TBC1D5: variants seen among roughly 807,000 people sequenced by gnomAD.
TBC1D5 encodes TBC1 domain family member 5.
TBC1D5 carries 75 observed loss-of-function variants against 100.3 expected under a neutral mutation model. The ratio of observed to expected loss-of-function variants is 0.75; its 90% confidence interval spans 0.62 to 0.91. TBC1D5 has a LOEUF of 0.91. TBC1D5 is among the 40% of genes least tolerant of loss of function. TBC1D5 has a pLI of 0.00. For synonymous variants in TBC1D5, 323 were observed against 325.6 expected, an observed-to-expected ratio of 0.99 and a Z score of 0.09; for missense variants, 910 against 942.4, an observed-to-expected ratio of 0.97 and a Z score of 0.45.
chr3:17,471,038 T>C (rs565010414), intron 3 of TBC1D5, among the ~76,000 whole-genome samples: 3 of 152,288 alleles, frequency 2.0e-5, no homozygotes, highest in South Asian at 2.1e-4. Flanking sequence ...ATAGATGTCA[T>C]TGCAAGGGGT....
At chr3:17,347,968 A>C (rs1238581258) in intron 13 of TBC1D5, among the ~76,000 whole-genome samples, 3 of 151,936 alleles carry the variant, frequency 2.0e-5, no homozygotes, top group Admixed American at 2.0e-4. Context: ...ACATCACTGC[A>C]CTCCAGCCTG....
At chr3:17,476,772 T>C (rs562198509) in intron 3 of TBC1D5, among the ~76,000 whole-genome samples, 1 of 151,944 alleles carries the variant, frequency 6.6e-6, no homozygotes, top group Non-Finnish European at 1.5e-5. Flanking sequence ...TTAAATGTCT[T>C]CCAATGAAGT....
At chr3:17,469,575 C>T (rs750992690) in intron 3 of TBC1D5, among the ~76,000 whole-genome samples, 1 of 151,330 alleles carries the variant, frequency 6.6e-6, no homozygotes, top group East Asian at 1.9e-4. Flanking sequence ...ACAAGTAAAA[C>T]GCATCTTTAC....
At chr3:17,625,502 A>C (rs1443681032) in intron 1 of TBC1D5, among the ~76,000 whole-genome samples, 4 of 152,072 alleles carry the variant, frequency 2.6e-5, no homozygotes, top group Non-Finnish European at 4.4e-5. Context: ...AAATAGGTTA[A>C]ACACCCATCT....
intron 2 of TBC1D5, among the ~76,000 whole-genome samples, chr3:17,612,417 C>A (rs996355511): frequency 6.6e-6 from 1 of 151,894 alleles, no homozygotes; most frequent in Admixed American, 6.6e-5. Flanking sequence ...CACCGGAGGT[C>A]AGGAGTTCGA....
At chr3:17,533,433 G>T (rs1041273115) in intron 2 of TBC1D5, among the ~76,000 whole-genome samples, 2 of 152,130 alleles carry the variant, frequency 1.3e-5, no homozygotes, top group African/African-American at 4.8e-5. Flanking sequence ...CTAATATGGG[G>T]GGATGGAAGG....
chr3:17,537,741 T>C (rs1438585604), intron 2 of TBC1D5, among the ~76,000 whole-genome samples: 3 of 152,246 alleles, frequency 2.0e-5, no homozygotes, highest in African/African-American at 7.2e-5. Context: ...TCTGGTTTCT[T>C]TCCTTTATAA....
intron 1 of TBC1D5, among the ~76,000 whole-genome samples, chr3:17,662,243 A>C (rs545840648): frequency 6.6e-6 from 1 of 152,194 alleles, no homozygotes; most frequent in Non-Finnish European, 1.5e-5. Context: ...ACCTGGAATT[A>C]TCTCTTTCAT....
At chr3:17,287,852 A>G (rs1056366691) in intron 15 of TBC1D5, among the ~76,000 whole-genome samples, 1 of 152,222 alleles carries the variant, frequency 6.6e-6, no homozygotes, top group Non-Finnish European at 1.5e-5. Context: ...AAGGTTTACA[A>G]TGAACCTACT....
chr3:17,639,633 T>TA (rs1187766297), intron 1 of TBC1D5, among the ~76,000 whole-genome samples: 3 of 152,036 alleles, frequency 2.0e-5, no homozygotes, highest in African/African-American at 4.8e-5. Context: ...GTTTCCACCA[T>TA]AAAAAAGGGG....
At chr3:17,180,471 G>A (rs1260450405) in intron 19 of TBC1D5, among the ~76,000 whole-genome samples, 1 of 152,162 alleles carries the variant, frequency 6.6e-6, no homozygotes, top group Admixed American at 6.5e-5. Flanking sequence ...TATTGCATGT[G>A]TGACAAAAAC....
At position 17,165,251 on chromosome 3, in the gene TBC1D5, A is replaced by T. The variant is rs578236975; in HGVS notation, c.2094+1516T>A. 9.2e-5 allele frequency among the ~76,000 whole-genome samples: 14 copies of T among 152,358 alleles called. No homozygotes were observed. In the South Asian group the frequency reaches 2.9e-3, roughly 32 times the overall value. Reference sequence around the variant, plus strand: ...AAACCAGGGATGACAACTGCAAAGTATAATCATTAAGTTCTAAATTTAACA... The same window carrying T: ...AAACCAGGGATGACAACTGCAAAGTTTAATCATTAAGTTCTAAATTTAACA... On this transcript the variant is annotated intron_variant, in intron 21 of 21. Transcript: ENST00000253692.
intron 4 of TBC1D5, 106 bp from the exon 5 acceptor site, chr3:17,406,632 T>TTTAA: frequency 1.1e-6 from 1 of 913,576 alleles, no homozygotes; most frequent in South Asian, 1.7e-5. Context: ...AAATGCAACT[T>TTTAA]TTAAAACATA....
intron 13 of TBC1D5, among the ~76,000 whole-genome samples, chr3:17,314,004 C>T (rs1269787488): frequency 6.6e-6 from 1 of 152,078 alleles, no homozygotes; most frequent in East Asian, 1.9e-4. Flanking sequence ...TTTCCTGTTC[C>T]AGAAAGTGCC....
At chr3:17,343,488 A>G (rs1383343371) in intron 13 of TBC1D5, among the ~76,000 whole-genome samples, 1 of 140,890 alleles carries the variant, frequency 7.1e-6, no homozygotes, top group Admixed American at 7.1e-5. Context: ...TCATAAAATA[A>G]GTTAGGGAGG....
intron 2 of TBC1D5, among the ~76,000 whole-genome samples, chr3:17,574,357 C>T (rs1304323303): frequency 6.6e-6 from 1 of 152,038 alleles, no homozygotes; most frequent in Non-Finnish European, 1.5e-5. Context: ...TAGGTCACTA[C>T]TGTCACCAAC....
intron 3 of TBC1D5, among the ~76,000 whole-genome samples, chr3:17,506,965 G>A (rs1311006546): frequency 4.6e-5 from 7 of 152,096 alleles, no homozygotes; most frequent in African/African-American, 9.7e-5. Flanking sequence ...GCAGTGAGCC[G>A]AGATTGCGCC....
At chr3:17,738,837 T>A (rs1003148936) in intron 1 of TBC1D5, among the ~76,000 whole-genome samples, 1 of 152,168 alleles carries the variant, frequency 6.6e-6, no homozygotes. Context: ...CTGAGCCTCT[T>A]TTTATCCCTC....
intron 8 of TBC1D5, 80 bp from the exon 9 acceptor site, chr3:17,384,095 C>T (rs1288857963): frequency 8.1e-7 from 1 of 1,232,724 alleles, no homozygotes; most frequent in Non-Finnish European, 1.1e-6. Context: ...CGAAGACGTG[C>T]CAAGGGCTGC....
Sources: gnomAD v4.1 joint callset for allele counts (sites outside exome capture counted in the v4.1 genomes callset) on GRCh38, gnomAD v4.1.1 for gene constraint, MANE v1.5 for transcripts, NCBI Gene and HGNC (gene_info 2026-07-23, HGNC 2026-07-21) for gene names.